Variants in IQCH observed in about 807,000 individuals in gnomAD.
The protein encoded by IQCH is IQ domain-containing protein H.
In IQCH, 98 loss-of-function variants were observed where a neutral mutation model predicts 117.0. The observed-to-expected ratio is 0.84, with a 90% confidence interval of 0.71 to 0.99. The LOEUF (loss-of-function observed/expected upper bound fraction) is 0.99. Ranked by LOEUF, IQCH falls within the 50% of genes least tolerant of loss-of-function variation. IQCH has a pLI of 0.00. For synonymous variants in IQCH, 412 were observed against 448.2 expected (o/e 0.92, Z 1.02); for missense variants, 1,102 against 1,243.8 (o/e 0.89, Z 1.72).
intron 3 of IQCH, among the ~76,000 whole-genome samples, chr15:67,264,905 A>ATG (rs1965608829): frequency 6.6e-6 from 1 of 151,736 alleles, no homozygotes; most frequent in Non-Finnish European, 1.5e-5. Context: ...GTATATATAT[A>ATG]TACAAGAGAG....
At chr15:67,346,769 T>G (rs553593913) in intron 6 of IQCH, among the ~76,000 whole-genome samples, 18 of 152,130 alleles carry the variant, frequency 1.2e-4, no homozygotes, top group Non-Finnish European at 2.2e-4. Context: ...CAAATGCACA[T>G]GGAACATTCA....
At chr15:67,285,179 G>C (rs1471674853) in intron 4 of IQCH, among the ~76,000 whole-genome samples, 2 of 152,042 alleles carry the variant, frequency 1.3e-5, no homozygotes, top group African/African-American at 4.8e-5. Flanking sequence ...ATCTCATTGT[G>C]GTTTTGATTT....
intron 9 of IQCH, 143 bp from the exon 10 acceptor site, chr15:67,373,224 G>T: frequency 1.8e-6 from 1 of 566,538 alleles, no homozygotes; most frequent in East Asian, 2.9e-5. Context: ...AAATTAATTG[G>T]GGAAGATGTT....
chr15:67,307,974 T>C (rs1465433599), intron 4 of IQCH, among the ~76,000 whole-genome samples: 1 of 152,194 alleles, frequency 6.6e-6, no homozygotes, highest in Non-Finnish European at 1.5e-5. Flanking sequence ...AGGGGTGCAG[T>C]TGAGGCAGAC....
At chr15:67,284,090 T>G (rs1346813043) in intron 4 of IQCH, among the ~76,000 whole-genome samples, 1 of 152,128 alleles carries the variant, frequency 6.6e-6, no homozygotes, top group Non-Finnish European at 1.5e-5. Context: ...GTACAGTAAA[T>G]TATTACTGAC....
intron 1 of IQCH, 56 bp from the exon 2 acceptor site, chr15:67,261,216 C>G: frequency 8.0e-7 from 1 of 1,251,504 alleles, no homozygotes; most frequent in Non-Finnish European, 1.1e-6. Context: ...TAAATAACTG[C>G]TATAGGTGGA....
chr15:67,262,063 T>C (rs1392752073), intron 2 of IQCH, among the ~76,000 whole-genome samples: 4 of 151,462 alleles, frequency 2.6e-5, no homozygotes. Flanking sequence ...CATTTCAGCC[T>C]GGGCTACAGA....
chr15:67,477,049 T>C (rs1222567996), intron 18 of IQCH, among the ~76,000 whole-genome samples: 2 of 134,514 alleles, frequency 1.5e-5, no homozygotes, highest in South Asian at 2.6e-4. Context: ...TTCTTCTTTT[T>C]TTTTTTTTTT....
Position 67,391,499 on chromosome 15 carries a change from T to C in IQCH, c.1632+2493T>C, listed in dbSNP as rs546303195. On this transcript the variant is annotated intron_variant, in intron 12 of 20. Transcript: ENST00000335894. This position sits in a 1 kb window ranked among gnomAD's most constrained non-coding sequence, Gnocchi z 4.3. ...GATTCTTGAATTTGTAATGGTAAAA[T>C]GTGCTCTTTATAAAAGTCATTATGT... 7.2e-5 allele frequency among the ~76,000 whole-genome samples: 11 copies of C among 152,322 alleles called. No individual in the cohort carries two copies. Among genetic ancestry groups the C allele is most frequent in the Non-Finnish European group, 1.6e-4 (11 of 68,020 alleles).
chr15:67,472,780 C>A lies in IQCH; in HGVS notation c.2677-2916C>A, dbSNP rs1267025704. On this transcript the variant is annotated intron_variant, in intron 17 of 20. Transcript: ENST00000335894. The surrounding 1 kb of genome is among the most constrained non-coding windows in gnomAD (Gnocchi z 4.3). ...ACTCTCCAGGCAATAAAGGTCTGGA[C>A]TAGGATGGTGATGGTTATGGAAAAG... 1.3e-5 allele frequency among the ~76,000 whole-genome samples: 2 copies of A among 152,134 alleles called. No individual in the cohort carries two copies. Among genetic ancestry groups the A allele is most frequent in the African/African-American group, 4.8e-5 (2 of 41,418 alleles).
At chr15:67,305,553 C>A (rs1056391041) in intron 4 of IQCH, among the ~76,000 whole-genome samples, 7 of 151,980 alleles carry the variant, frequency 4.6e-5, no homozygotes, top group African/African-American at 9.7e-5. Flanking sequence ...AGCCCAAAGC[C>A]CCTGAAATAC....
intron 18 of IQCH, among the ~76,000 whole-genome samples, chr15:67,482,111 C>A (rs2083354137): frequency 6.6e-6 from 1 of 152,140 alleles, no homozygotes. Context: ...AGATGTGGCC[C>A]AAGGACAATT....
At chr15:67,397,555 A>G (rs887977179) in intron 13 of IQCH, among the ~76,000 whole-genome samples, 1 of 152,242 alleles carries the variant, frequency 6.6e-6, no homozygotes, top group African/African-American at 2.4e-5. Context: ...CTATCTGAGC[A>G]TGTCAGCATT....
intron 16 of IQCH, among the ~76,000 whole-genome samples, chr15:67,428,863 A>C (rs953881558): frequency 7.1e-6 from 1 of 140,834 alleles, no homozygotes; most frequent in Non-Finnish European, 1.6e-5. Context: ...AAAAAAAAAA[A>C]GAGAGAGAGA....
Position 67,403,884 on chromosome 15 carries a change from G to A in IQCH, c.2097+3579G>A, listed in dbSNP as rs747415984. On this transcript the variant is annotated intron_variant, in intron 14 of 20. Coordinates refer to ENST00000335894, the MANE Select transcript of IQCH (RefSeq NM_001031715.3). This position sits in a 1 kb window ranked among gnomAD's most constrained non-coding sequence, Gnocchi z 4.8. ...TGACACTGCTTTGCAAGAGATCTTTGTAGAACAATTTCTGTGTGTAAAGAA... is the reference window on the plus strand; with the variant it reads ...TGACACTGCTTTGCAAGAGATCTTTATAGAACAATTTCTGTGTGTAAAGAA... The A allele has an allele frequency of 2.6e-5, 4 of 152,102 alleles. No individual in the cohort carries two copies. The highest frequency in any genetic ancestry group is 5.9e-5 in the Non-Finnish European group (4 of 68,018). 9.4% of individuals were successfully genotyped at this position (152,102 alleles called of 1,614,324 possible). A position where few individuals can be genotyped will look rare whatever the true frequency, so the allele number is the denominator to read the frequency against.
chr15:67,276,366 G>A (rs1596080041), intron 3 of IQCH, among the ~76,000 whole-genome samples: 1 of 152,206 alleles, frequency 6.6e-6, no homozygotes, highest in African/African-American at 2.4e-5. Flanking sequence ...CTGAAAGACG[G>A]AGAGAAGAAG....
At chr15:67,455,019 C>T (rs1332966375) in intron 16 of IQCH, among the ~76,000 whole-genome samples, 1 of 152,214 alleles carries the variant, frequency 6.6e-6, no homozygotes, top group Non-Finnish European at 1.5e-5. Context: ...TGCCACCTCA[C>T]TAGCAGTATA....
At chr15:67,323,316 C>T (rs1968235918) in intron 4 of IQCH, among the ~76,000 whole-genome samples, 1 of 141,694 alleles carries the variant, frequency 7.1e-6, no homozygotes, top group Non-Finnish European at 1.5e-5. Flanking sequence ...GATCTCGGCT[C>T]ACTGCAAGCT....
intron 9 of IQCH, 64 bp downstream of exon 9, chr15:67,372,726 T>G: frequency 7.3e-7 from 1 of 1,369,400 alleles, no homozygotes; most frequent in Non-Finnish European, 1.0e-6. Context: ...CTTGAGCGGT[T>G]GTAATAAGTT....
Sources: allele counts gnomAD v4.1 joint callset (sites outside exome capture counted in the v4.1 genomes callset), GRCh38; gene constraint gnomAD v4.1.1; non-coding constraint Gnocchi (gnomAD v3.1); transcripts MANE v1.5; gene names NCBI Gene and HGNC (gene_info 2026-07-23, HGNC 2026-07-21).